The following CCDC102B variants were observed in gnomAD, a reference collection of about 807,000 sequenced individuals.
The protein encoded by CCDC102B is coiled-coil domain containing 102B.
Under a neutral mutation model 57.4 loss-of-function variants are expected in CCDC102B, and 75 were observed. The observed-to-expected ratio is 1.31, with a 90% CI of 1.08 to 1.58. CCDC102B has a LOEUF of 1.58. Ranked by LOEUF, CCDC102B falls within the 40% of genes most tolerant of loss-of-function variation. The pLI, the probability that CCDC102B is intolerant of heterozygous loss-of-function variation, is 0.00. For missense variants in CCDC102B, 636 were observed against 582.6 expected, an observed-to-expected ratio of 1.09 and a Z score of -0.94; for synonymous variants, 206 against 201.9, an observed-to-expected ratio of 1.02 and a Z score of -0.17.
At chr18:68,810,637 T>C (rs1031276630) in intron 1 of CCDC102B, among the ~76,000 whole-genome samples, 5 of 151,608 alleles carry the variant, frequency 3.3e-5, no homozygotes, top group African/African-American at 4.8e-5. Context: ...AGGATCATGA[T>C]TTTTAGAGAG....
At chr18:68,846,226 G>A (rs534392919) in intron 3 of CCDC102B, 87 bp from the exon 4 acceptor site, 51 of 735,898 alleles carry the variant, frequency 6.9e-5, no homozygotes, top group Non-Finnish European at 9.0e-5. Flanking sequence ...TCAAAAATTA[G>A]GAAAATGCCT....
At chr18:68,811,316 T>C (rs1262948005) in intron 1 of CCDC102B, among the ~76,000 whole-genome samples, 1 of 152,152 alleles carries the variant, frequency 6.6e-6, no homozygotes, top group African/African-American at 2.4e-5. Context: ...CAGTTTCTTT[T>C]CTATGTTGAC....
At chr18:68,987,410 A>G (rs1281291337) in intron 6 of CCDC102B, among the ~76,000 whole-genome samples, 1 of 152,156 alleles carries the variant, frequency 6.6e-6, no homozygotes, top group Non-Finnish European at 1.5e-5. Flanking sequence ...AGTTCACCCA[A>G]AATTTATTAG....
intron 6 of CCDC102B, among the ~76,000 whole-genome samples, chr18:68,931,739 T>C (rs998095139): frequency 2.0e-5 from 3 of 151,842 alleles, no homozygotes; most frequent in Non-Finnish European, 2.9e-5. Context: ...AGAGCACAGG[T>C]ATGTATCCTT....
In CCDC102B at chr18:68,820,467, C is replaced by T. The variant is rs572026632; in HGVS notation, c.-15-16282C>T. On this transcript the variant is annotated intron_variant, in intron 1 of 7. Transcript: ENST00000360242. The stretch of plus-strand genomic sequence containing the variant: ...TCTCTTGCTAACATTTCTATTAGGG[C>T]GTTTATGTCAGCTTGAGAGATTTGC... Among the ~76,000 whole-genome samples the T allele has an allele frequency of 8.5e-5, 13 of 152,096 alleles. No homozygotes were observed. The South Asian group carries it at 1.5e-3, about 17-fold the overall frequency.
At position 68,747,125 on chromosome 18, in the gene CCDC102B, G is replaced by C. The variant is rs185087418; in HGVS notation, c.-67+30531G>C. Among the ~76,000 whole-genome samples the C allele has an allele frequency of 1.4e-3, 216 of 152,070 alleles. 3 individuals are homozygous for C. Among genetic ancestry groups the C allele is most frequent in the African/African-American group, 4.4e-3 (181 of 41,518 alleles). ...CTTCTGGCTGTTTGAAGATATACAG[G>C]AAGTTATTAGCTATAGTCATCCTAC... On this transcript the variant is annotated intron_variant, in intron 2 of 3. Transcript: ENST00000578970.
chr18:68,822,943 T>C (rs1365325993), intron 1 of CCDC102B, among the ~76,000 whole-genome samples: 4 of 152,142 alleles, frequency 2.6e-5, no homozygotes, highest in Admixed American at 2.6e-4. Flanking sequence ...TATGCCTAAG[T>C]GACAAGAAAC....
intron 4 of CCDC102B, among the ~76,000 whole-genome samples, chr18:68,855,249 G>T (rs532656910): frequency 6.6e-6 from 1 of 152,250 alleles, no homozygotes; most frequent in Non-Finnish European, 1.5e-5. Context: ...TATGAAATAT[G>T]TAAAGAGGTG....
At position 68,913,207 on chromosome 18, in the gene CCDC102B, GA is replaced by G. The variant is rs764735764; in HGVS notation, c.1263+15784del. 2.1e-3 allele frequency among the ~76,000 whole-genome samples: 326 copies of G among 151,988 alleles called. 1 individual carries two copies. The highest frequency in any genetic ancestry group is 3.9e-3 in the Non-Finnish European group (263 of 67,962). ...CCTTTCTAATTCTCTCTAAATTACA[GA>G]AAAATAAAGGAGAGAAAGCATCCAT... On this transcript the variant is annotated intron_variant, in intron 6 of 7. Coordinates refer to ENST00000360242, the MANE Select transcript of CCDC102B (RefSeq NM_024781.3).
intron 5 of CCDC102B, among the ~76,000 whole-genome samples, chr18:68,890,599 G>A (rs2040040567): frequency 1.3e-5 from 2 of 152,312 alleles, no homozygotes; most frequent in African/African-American, 4.8e-5. Flanking sequence ...AGATATGGAA[G>A]ATTTTTTCCA....
intron 1 of CCDC102B, among the ~76,000 whole-genome samples, chr18:68,803,230 AT>A (rs2035916436): frequency 6.6e-6 from 1 of 152,208 alleles, no homozygotes; most frequent in South Asian, 2.1e-4. Flanking sequence ...AGATTTGTCC[AT>A]TTAGTAATAA....
In CCDC102B at chr18:68,854,510, GAATC is replaced by G. The variant is rs1024144402; in HGVS notation, c.936+8098_936+8101del. On this transcript the variant is annotated intron_variant, in intron 4 of 7. Coordinates refer to ENST00000360242, the MANE Select transcript of CCDC102B (RefSeq NM_024781.3). ...ATCCTCCATGAGTTTTGCATCTATG[GAATC>G]AATCAATCTCAGCTCAGAAATATAA... Among the ~76,000 whole-genome samples the G allele has an allele frequency of 3.7e-4, 56 of 152,064 alleles. 1 individual carries two copies. Among genetic ancestry groups the G allele is most frequent in the African/African-American group, 1.1e-3 (47 of 41,492 alleles).
intron 6 of CCDC102B, among the ~76,000 whole-genome samples, chr18:68,975,281 A>G (rs2050405578): frequency 6.6e-6 from 1 of 152,040 alleles, no homozygotes; most frequent in African/African-American, 2.4e-5. Context: ...TTATGCTATG[A>G]ACATTTCATA....
chr18:68,998,719 G>A (rs1182514382), intron 6 of CCDC102B, among the ~76,000 whole-genome samples: 1 of 151,834 alleles, frequency 6.6e-6, no homozygotes, highest in Non-Finnish European at 1.5e-5. Context: ...CAGCATGGGA[G>A]AAAGATGGAG....
chr18:69,005,218 G>T (rs2051310137), intron 6 of CCDC102B, among the ~76,000 whole-genome samples: 1 of 152,082 alleles, frequency 6.6e-6, no homozygotes, highest in African/African-American at 2.4e-5. Flanking sequence ...GAGAAAATCT[G>T]CCCTTGTTGA....
At position 68,861,770 on chromosome 18, in the gene CCDC102B, A is replaced by G. The variant is rs552457797; in HGVS notation, c.937-12899A>G. On this transcript the variant is annotated intron_variant, in intron 4 of 7. Transcript: ENST00000360242. ...GTGGGCCCCCAGGGTTCTCTCTCTG[A>G]TGGTGCTCATCTTGGTGAGCACTTT... Among the ~76,000 whole-genome samples the G allele has an allele frequency of 2.1e-3, 322 of 152,314 alleles. 1 individual carries two copies. The highest frequency in any genetic ancestry group is 3.7e-3 in the Non-Finnish European group (252 of 68,028).
intron 1 of CCDC102B, among the ~76,000 whole-genome samples, chr18:68,820,206 CTG>C (rs1306314671): frequency 6.6e-6 from 1 of 151,996 alleles, no homozygotes; most frequent in Non-Finnish European, 1.5e-5. Flanking sequence ...CTGCAGAAAA[CTG>C]TTATCATATC....
intron 2 of CCDC102B, among the ~76,000 whole-genome samples, chr18:68,733,680 T>C (rs1382938360): frequency 6.6e-6 from 1 of 151,996 alleles, no homozygotes; most frequent in Admixed American, 6.6e-5. Context: ...ATTTAGGAAA[T>C]AAACTCACAG....
chr18:68,744,436 C>T (rs1177962203), intron 2 of CCDC102B, among the ~76,000 whole-genome samples: 5 of 152,116 alleles, frequency 3.3e-5, no homozygotes, highest in Non-Finnish European at 7.4e-5. Flanking sequence ...CTTTCAGTGA[C>T]TAGCTTGTAA....
Sources: gnomAD v4.1 joint callset for allele counts (sites outside exome capture counted in the v4.1 genomes callset) on GRCh38, gnomAD v4.1.1 for gene constraint, MANE v1.5 for transcripts, NCBI Gene and HGNC (gene_info 2026-07-23, HGNC 2026-07-21) for gene names.